MARCHF1: variants seen among roughly 807,000 people sequenced by gnomAD.
MARCHF1 encodes E3 ubiquitin-protein ligase MARCHF1.
Under a neutral mutation model 54.2 loss-of-function variants are expected in MARCHF1, and 40 were observed. The observed-to-expected ratio is 0.74, with a 90% CI of 0.57 to 0.96. The LOEUF (loss-of-function observed/expected upper bound fraction) is 0.96, where lower values mean the gene tolerates loss of function less well. Among genes scored for constraint, MARCHF1 ranks in the 40% least tolerant of loss-of-function variants. MARCHF1 has a pLI of 0.00. For missense variants in MARCHF1, 586 were observed against 656.5 expected, an observed-to-expected ratio of 0.89 and a Z score of 1.17; for synonymous variants, 236 against 236.3, an observed-to-expected ratio of 1.00 and a Z score of 0.01.
chr4:164,311,690 T>C (rs901232282), intron 1 of MARCHF1, among the ~76,000 whole-genome samples: 2 of 152,236 alleles, frequency 1.3e-5, no homozygotes, highest in Non-Finnish European at 2.9e-5. Context: ...AATTAGATAG[T>C]ATTTGTGAAG....
intron 4 of MARCHF1, among the ~76,000 whole-genome samples, chr4:163,711,042 T>C (rs982118830): frequency 7.2e-5 from 11 of 151,972 alleles, no homozygotes; most frequent in African/African-American, 2.4e-4. Flanking sequence ...GGTTGTTTCT[T>C]AGATGACCAG....
chr4:163,869,585 A>G (rs764242405), intron 3 of MARCHF1, among the ~76,000 whole-genome samples: 3 of 152,098 alleles, frequency 2.0e-5, no homozygotes, highest in Non-Finnish European at 2.9e-5. Context: ...AATTCTTTCT[A>G]TATTATCTGT....
intron 3 of MARCHF1, among the ~76,000 whole-genome samples, chr4:163,914,230 T>C (rs1323868532): frequency 2.0e-5 from 3 of 152,024 alleles, no homozygotes; most frequent in East Asian, 1.9e-4. Context: ...CCACTGACAA[T>C]AAAATAAAAA....
intron 2 of MARCHF1, among the ~76,000 whole-genome samples, chr4:163,997,937 C>A (rs28605299): frequency 0.41 from 60,452 of 148,092 alleles, 12,300 homozygotes; most frequent in Middle Eastern, 0.52. Context: ...CACACACACA[C>A]ACACACACAC....
intron 4 of MARCHF1, among the ~76,000 whole-genome samples, chr4:163,717,218 T>C (rs1348966318): frequency 2.8e-5 from 4 of 145,038 alleles, no homozygotes; most frequent in Non-Finnish European, 6.0e-5. Flanking sequence ...CATTGTTCAA[T>C]TCCCACCTAT....
chr4:164,261,742 A>C (rs556596034), intron 1 of MARCHF1, among the ~76,000 whole-genome samples: 1 of 152,276 alleles, frequency 6.6e-6, no homozygotes, highest in East Asian at 1.9e-4. Context: ...CTGGCCATCA[A>C]GCCTTCTTTA....
intron 1 of MARCHF1, among the ~76,000 whole-genome samples, chr4:164,164,184 A>C (rs1466755093): frequency 6.6e-6 from 1 of 151,986 alleles, no homozygotes; most frequent in Admixed American, 6.6e-5. Flanking sequence ...TTAGAAAAAT[A>C]AGGGCAAATG....
chr4:163,779,064 C>T (rs1284822715), intron 4 of MARCHF1, among the ~76,000 whole-genome samples: 2 of 152,124 alleles, frequency 1.3e-5, no homozygotes, highest in African/African-American at 4.8e-5. Flanking sequence ...AATGTATTGT[C>T]TTTTCATTAG....
At chr4:163,728,357 CA>C (rs1745729590) in intron 4 of MARCHF1, among the ~76,000 whole-genome samples, 1 of 152,148 alleles carries the variant, frequency 6.6e-6, no homozygotes, top group South Asian at 2.1e-4. Flanking sequence ...TCTGGGATGG[CA>C]ACTGGAGTAT....
chr4:164,204,867 T>C (rs1731561951), intron 1 of MARCHF1, among the ~76,000 whole-genome samples: 1 of 152,238 alleles, frequency 6.6e-6, no homozygotes, highest in Non-Finnish European at 1.5e-5. Context: ...GCATTAAATA[T>C]TTAATTTTAC....
At chr4:163,809,093 T>C (rs747269228) in intron 4 of MARCHF1, among the ~76,000 whole-genome samples, 2 of 152,124 alleles carry the variant, frequency 1.3e-5, no homozygotes, top group Non-Finnish European at 2.9e-5. Context: ...CATTCCACCT[T>C]TCCACTCTTA....
chr4:164,040,422 G>A (rs1156966499), intron 2 of MARCHF1, among the ~76,000 whole-genome samples: 1 of 121,420 alleles, frequency 8.2e-6, no homozygotes, highest in East Asian at 2.7e-4. Flanking sequence ...ATATATCCTT[G>A]TATATATAAA....
At chr4:163,998,220 C>G (rs1373981159) in intron 2 of MARCHF1, among the ~76,000 whole-genome samples, 1 of 151,206 alleles carries the variant, frequency 6.6e-6, no homozygotes, top group Admixed American at 6.6e-5. Flanking sequence ...TTTTTATAGA[C>G]TATTCTCTAT....
chr4:163,920,500 C>G (rs1751405501), intron 3 of MARCHF1, among the ~76,000 whole-genome samples: 1 of 152,174 alleles, frequency 6.6e-6, no homozygotes, highest in Non-Finnish European at 1.5e-5. Flanking sequence ...CTTACTCCAG[C>G]CTTTGCCAGT....
At chr4:163,719,500 T>C (rs956066716) in intron 4 of MARCHF1, among the ~76,000 whole-genome samples, 11 of 152,176 alleles carry the variant, frequency 7.2e-5, no homozygotes, top group Non-Finnish European at 1.2e-4. Flanking sequence ...GATGTGTGTG[T>C]GTGTCTTTAT....
intron 1 of MARCHF1, among the ~76,000 whole-genome samples, chr4:164,337,196 C>G (rs1729763812): frequency 6.6e-6 from 1 of 152,134 alleles, no homozygotes; most frequent in South Asian, 2.1e-4. Context: ...GCCATCATCA[C>G]CCTGCAAAAG....
At chr4:163,895,133 A>C (rs975977674) in intron 3 of MARCHF1, among the ~76,000 whole-genome samples, 1 of 152,170 alleles carries the variant, frequency 6.6e-6, no homozygotes, top group African/African-American at 2.4e-5. Flanking sequence ...TTCTACAAGC[A>C]TGCATAGAAT....
chr4:164,366,059 T>C (rs534738259), intron 1 of MARCHF1, among the ~76,000 whole-genome samples: 5 of 152,158 alleles, frequency 3.3e-5, no homozygotes, highest in African/African-American at 1.2e-4. Context: ...TATAGTAATT[T>C]GGCTAATTAT....
At chr4:163,735,208 T>C (rs556321475) in intron 4 of MARCHF1, among the ~76,000 whole-genome samples, 31 of 152,308 alleles carry the variant, frequency 2.0e-4, no homozygotes, top group African/African-American at 6.7e-4. Context: ...ACTTAGGACA[T>C]GTCACTCTTC....
Sources: gnomAD v4.1 joint callset for allele counts (sites outside exome capture counted in the v4.1 genomes callset) on GRCh38, gnomAD v4.1.1 for gene constraint, MANE v1.5 for transcripts, NCBI Gene and HGNC (gene_info 2026-07-23, HGNC 2026-07-21) for gene names.